Variants in CDS1 observed in about 807,000 individuals in gnomAD.
CDS1 encodes the protein phosphatidate cytidylyltransferase 1.
A neutral mutation model predicts 62.1 loss-of-function variants in CDS1; 41 were observed. The observed-to-expected ratio is 0.66, with a 90% confidence interval of 0.51 to 0.86. CDS1 has a LOEUF of 0.86. CDS1 is among the 40% of genes least tolerant of loss of function. CDS1 has a pLI of 0.00. For missense variants in CDS1, 470 were observed against 550.1 expected, an observed-to-expected ratio of 0.85 and a Z score of 1.46; for synonymous variants, 185 against 192.6, an observed-to-expected ratio of 0.96 and a Z score of 0.32.
At position 84,631,875 on chromosome 4, in the gene CDS1, A is replaced by G; in HGVS notation, c.637A>G (p.Met213Val). The G allele has an allele frequency of 6.3e-7, 1 of 1,599,454 alleles. No homozygotes were observed. Among genetic ancestry groups the G allele is most frequent in the Non-Finnish European group, 8.6e-7 (1 of 1,166,958 alleles). ...GAAACATTATCGTCTGCAGTTTTAT[A>G]TGGTGTGTATTAACTATTATTCCTT... ...VKKHYRLQFY[M>V]FAWTHVTLLI... Residue 213 changes from methionine (M) to valine (V), a missense_variant and splice_region_variant, in exon 6 of 13, where the codon ATG (methionine) becomes GTG (valine). Physicochemically the swap from Met to Val is conservative, Grantham distance 21. Around this residue, in one of 5 missense-constraint regions of CDS1, gnomAD observed 214 missense variants for 242.4 expected, o/e 0.88. Transcript: ENST00000295887.
chr4:84,588,676 G>A (rs367985442), intron 1 of CDS1, among the ~76,000 whole-genome samples: 1 of 152,030 alleles, frequency 6.6e-6, no homozygotes, highest in Non-Finnish European at 1.5e-5. Flanking sequence ...TGGATGGGGG[G>A]GCCACAGGAG....
In CDS1 at chr4:84,609,197, A is replaced by AAAAAG. The variant is rs1553903367; in HGVS notation, c.246-222_246-218dup. On this transcript the variant is annotated intron_variant, in intron 2 of 12. Transcript: ENST00000295887. ...CTCCGTCTCAAAAAAAAAAAAAAAA[A>AAAAAG]AAAAGAAAAGAAAAATTATTTTCTT... 4.2e-3 allele frequency among the ~76,000 whole-genome samples: 614 copies of AAAAAG among 145,804 alleles called. 5 individuals carry two copies. The highest frequency in any genetic ancestry group is 7.1e-3 in the Middle Eastern group (2 of 280).
intron 1 of CDS1, among the ~76,000 whole-genome samples, chr4:84,603,345 T>G (rs1722993847): frequency 1.3e-5 from 2 of 152,184 alleles, no homozygotes; most frequent in South Asian, 4.1e-4. Context: ...TCACTCCAGT[T>G]TCCTCCTCTG....
At chr4:84,621,845 A>G (rs1723695915) in intron 5 of CDS1, among the ~76,000 whole-genome samples, 2 of 152,172 alleles carry the variant, frequency 1.3e-5, no homozygotes, top group South Asian at 2.1e-4. Context: ...AAAAATTTCT[A>G]CTCTTTTACT....
At chr4:84,622,745 T>C (rs1356255877) in intron 5 of CDS1, among the ~76,000 whole-genome samples, 1 of 152,216 alleles carries the variant, frequency 6.6e-6, no homozygotes, top group African/African-American at 2.4e-5. Context: ...TGAGAGTTTT[T>C]CCTTTTCTGT....
intron 8 of CDS1, among the ~76,000 whole-genome samples, chr4:84,637,519 TA>T (rs928185377): frequency 3.3e-5 from 5 of 151,968 alleles, no homozygotes; most frequent in African/African-American, 1.2e-4. Flanking sequence ...GGGACAGCAA[TA>T]GGGGGATGGT....
At chr4:84,621,154 C>T (rs909917226) in intron 5 of CDS1, among the ~76,000 whole-genome samples, 1 of 152,308 alleles carries the variant, frequency 6.6e-6, no homozygotes, top group East Asian at 1.9e-4. Flanking sequence ...CCTGGCACTA[C>T]TTAAATTTTT....
intron 3 of CDS1, among the ~76,000 whole-genome samples, chr4:84,614,399 A>C (rs1223725714): frequency 6.6e-6 from 1 of 152,218 alleles, no homozygotes; most frequent in African/African-American, 2.4e-5. Context: ...CATTCAGTGC[A>C]TCATTTAAAG....
At chr4:84,637,606 G>A (rs1724253532) in intron 8 of CDS1, among the ~76,000 whole-genome samples, 1 of 152,184 alleles carries the variant, frequency 6.6e-6, no homozygotes, top group Non-Finnish European at 1.5e-5. Flanking sequence ...AGGATTACAA[G>A]TGGACGTGAC....
intron 1 of CDS1, among the ~76,000 whole-genome samples, chr4:84,602,210 A>G (rs1722959042): frequency 6.6e-6 from 1 of 152,162 alleles, no homozygotes; most frequent in African/African-American, 2.4e-5. Flanking sequence ...GTATTCTTTA[A>G]TTACTGAATG....
At position 84,648,832 on chromosome 4, in the gene CDS1, T is replaced by A. The variant is rs1724630233; in HGVS notation, c.*146T>A. ...TTTCTCTCTGAAATTACTGTGAATA[T>A]TTAACAAACACTTACTTGATCTATG... On this transcript the variant is annotated 3_prime_UTR_variant, in exon 13 of 13. Coordinates refer to ENST00000295887, the MANE Select transcript of CDS1 (RefSeq NM_001263.4). 6 of 722,906 alleles carry A rather than the reference T, an allele frequency of 8.3e-6. No homozygotes were observed. Among genetic ancestry groups the A allele is most frequent in the Non-Finnish European group, 1.3e-5 (6 of 461,430 alleles). 44.8% of individuals were successfully genotyped at this position (722,906 alleles called of 1,614,324 possible). A position where few individuals can be genotyped will look rare whatever the true frequency, so the allele number is the denominator to read the frequency against.
intron 3 of CDS1, among the ~76,000 whole-genome samples, chr4:84,613,782 A>G (rs1404169062): frequency 6.6e-6 from 1 of 152,176 alleles, no homozygotes; most frequent in Non-Finnish European, 1.5e-5. Context: ...TTAAAGGCAG[A>G]TGTGAACATA....
intron 3 of CDS1, among the ~76,000 whole-genome samples, chr4:84,616,848 G>C (rs1029110395): frequency 6.6e-6 from 1 of 152,160 alleles, no homozygotes; most frequent in Non-Finnish European, 1.5e-5. Context: ...CATCAAAAAG[G>C]GATTTATAAA....
Position 84,583,167 on chromosome 4 carries a change from A to T in CDS1, c.-235A>T, listed in dbSNP as rs1014717713. 4.1e-5 allele frequency: 18 copies of T among 442,706 alleles called. No homozygotes were observed. The highest frequency in any genetic ancestry group is 4.8e-5 in the Non-Finnish European group (12 of 249,822). The allele number at this position is 442,706 out of a possible 1,614,324, so 27.4% of individuals were successfully genotyped here. A position where few individuals can be genotyped will look rare whatever the true frequency, so the allele number is the denominator to read the frequency against. Reference sequence around the variant, plus strand: ...GCCTGGCGCCCGGAGCCTGCCCGGGACCTCCGCCGGAGCCGCGCTCGCTGC... The same window carrying T: ...GCCTGGCGCCCGGAGCCTGCCCGGGTCCTCCGCCGGAGCCGCGCTCGCTGC... On this transcript the variant is annotated 5_prime_UTR_variant, in exon 1 of 13. Transcript: ENST00000295887.
chr4:84,583,302 G>T lies in CDS1; in HGVS notation c.-100G>T, dbSNP rs1722307114. ...CTGCGGCTCCGCGGGACTCCAGGGC[G>T]CGGCTGCGAGGTGGCGGGGCGCCCC... On this transcript the variant is annotated 5_prime_UTR_variant, in exon 1 of 13. Coordinates refer to ENST00000295887, the MANE Select transcript of CDS1 (RefSeq NM_001263.4). The T allele has an allele frequency of 2.5e-6, 2 of 800,856 alleles. No individual in the cohort carries two copies. Among genetic ancestry groups the T allele is most frequent in the Non-Finnish European group, 4.0e-6 (2 of 501,558 alleles). The allele number at this position is 800,856 out of a possible 1,614,324, so 49.6% of individuals were successfully genotyped here.
intron 2 of CDS1, among the ~76,000 whole-genome samples, chr4:84,608,749 T>C (rs1723212513): frequency 6.6e-6 from 1 of 152,124 alleles, no homozygotes; most frequent in Non-Finnish European, 1.5e-5. Context: ...GGGCATCATC[T>C]CTTTTGAGGG....
At chr4:84,589,283 T>C (rs1722510009) in intron 1 of CDS1, among the ~76,000 whole-genome samples, 1 of 152,250 alleles carries the variant, frequency 6.6e-6, no homozygotes, top group South Asian at 2.1e-4. Context: ...GTTGTTCCAC[T>C]ATCCATTTAC....
At chr4:84,612,529 A>G (rs569355184) in intron 3 of CDS1, among the ~76,000 whole-genome samples, 1 of 152,326 alleles carries the variant, frequency 6.6e-6, no homozygotes, top group African/African-American at 2.4e-5. Flanking sequence ...AGACAGTTTT[A>G]AAGACATGCA....
intron 12 of CDS1, among the ~76,000 whole-genome samples, chr4:84,647,234 T>C (rs1372033925): frequency 6.6e-6 from 1 of 152,226 alleles, no homozygotes; most frequent in Non-Finnish European, 1.5e-5. Context: ...ATCTTTATCC[T>C]TTTAATGGGA....
Sources: gnomAD v4.1 joint callset for allele counts (sites outside exome capture counted in the v4.1 genomes callset) on GRCh38, gnomAD v4.1.1 for gene constraint, gnomAD v4.1.1 regional missense constraint, MANE v1.5 for transcripts, NCBI Gene and HGNC (gene_info 2026-07-23, HGNC 2026-07-21) for gene names.